The following PEBP4 variants were observed in gnomAD, a reference collection of about 807,000 sequenced individuals.
The protein encoded by PEBP4 is phosphatidylethanolamine-binding protein 4.
A neutral mutation model predicts 23.9 loss-of-function variants in PEBP4; 22 were observed. That is an observed-to-expected ratio of 0.92 (90% confidence interval 0.66 to 1.31). PEBP4 has a LOEUF of 1.31. Ranked by LOEUF, PEBP4 falls within the 40% of genes most tolerant of loss-of-function variation. PEBP4 has a pLI of 0.00. For synonymous variants in PEBP4, 112 were observed against 99.3 expected (o/e 1.13, Z -0.76); for missense variants, 324 against 281.7 (o/e 1.15, Z -1.07).
rs140058508 is a variant in PEBP4 at position 22,814,279 on chromosome 8, C to T, written c.357+3358G>A. Reference sequence around the variant, plus strand: ...CAGCAGTCTGGCTCTGGAGTCCTTGCTCTTAACCACTGTGCTATACTGAAT... The same window carrying T: ...CAGCAGTCTGGCTCTGGAGTCCTTGTTCTTAACCACTGTGCTATACTGAAT... On this transcript the variant is annotated intron_variant, in intron 4 of 6. Coordinates refer to ENST00000256404, the MANE Select transcript of PEBP4 (RefSeq NM_144962.3). Among the ~76,000 whole-genome samples the T allele has an allele frequency of 5.3e-5, 8 of 152,306 alleles. No individual in the cohort carries two copies. In the East Asian group the frequency reaches 1.3e-3, roughly 26 times the overall value.
intron 3 of PEBP4, among the ~76,000 whole-genome samples, chr8:22,897,325 G>T: frequency 6.6e-6 from 1 of 152,182 alleles, no homozygotes; most frequent in East Asian, 1.9e-4. Flanking sequence ...CAGAAGCACA[G>T]ATATGGATGG....
At chr8:22,799,180 T>TGACCTCCCCCTCCTGCC (rs1187905918) in intron 4 of PEBP4, among the ~76,000 whole-genome samples, 1 of 152,208 alleles carries the variant, frequency 6.6e-6, no homozygotes, top group Admixed American at 6.5e-5. Flanking sequence ...TCCTTTCCTT[T>TGACCTCCCCCTCCTGCC]GACCTCCCCC....
At chr8:22,759,383 A>T (rs2128752814) in intron 4 of PEBP4, among the ~76,000 whole-genome samples, 2 of 150,516 alleles carry the variant, frequency 1.3e-5, no homozygotes, top group Admixed American at 1.3e-4. Context: ...CAAAGGGTGG[A>T]CTGGAGTAAG....
chr8:22,843,277 T>A (rs1373790527), intron 3 of PEBP4, among the ~76,000 whole-genome samples: 1 of 152,204 alleles, frequency 6.6e-6, no homozygotes, highest in Non-Finnish European at 1.5e-5. Flanking sequence ...CCTGCAATTC[T>A]ATTTTGTGCA....
intron 4 of PEBP4, among the ~76,000 whole-genome samples, chr8:22,791,233 G>T (rs1046631118): frequency 1.3e-5 from 2 of 152,112 alleles, no homozygotes; most frequent in African/African-American, 4.8e-5. Context: ...AGAAGCTCGG[G>T]CTGAGGAGCA....
intron 4 of PEBP4, among the ~76,000 whole-genome samples, chr8:22,748,667 A>G (rs1805181598): frequency 1.5e-5 from 2 of 136,128 alleles, no homozygotes; most frequent in African/African-American, 2.7e-5. Flanking sequence ...CCTGAGTCAG[A>G]GGGAGGGTGG....
chr8:22,912,623 A>G (rs766552708), intron 3 of PEBP4, among the ~76,000 whole-genome samples: 4 of 152,188 alleles, frequency 2.6e-5, no homozygotes, highest in Non-Finnish European at 5.9e-5. Context: ...CGCTCTATCC[A>G]TCGCCCCATG....
intron 3 of PEBP4, among the ~76,000 whole-genome samples, chr8:22,851,594 G>A (rs761224494): frequency 6.6e-6 from 1 of 152,096 alleles, no homozygotes. Context: ...GCTCTCCCAG[G>A]GCGCCACCCA....
chr8:22,812,434 C>T (rs1806650773), intron 4 of PEBP4, among the ~76,000 whole-genome samples: 1 of 152,208 alleles, frequency 6.6e-6, no homozygotes, highest in African/African-American at 2.4e-5. Flanking sequence ...TAATAATCAC[C>T]TGGTTTATGG....
intron 3 of PEBP4, among the ~76,000 whole-genome samples, chr8:22,845,407 T>C (rs1807410658): frequency 6.7e-6 from 1 of 149,172 alleles, no homozygotes; most frequent in Non-Finnish European, 1.5e-5. Flanking sequence ...TGGTGGTGTG[T>C]GCCTATAGTC....
intron 4 of PEBP4, among the ~76,000 whole-genome samples, chr8:22,750,537 T>C (rs554003206): frequency 2.8e-4 from 42 of 152,246 alleles, no homozygotes; most frequent in Admixed American, 9.8e-4. Context: ...TCTGGGCACA[T>C]GGCTGGTGCT....
At chr8:22,834,663 A>G (rs562611503) in intron 3 of PEBP4, among the ~76,000 whole-genome samples, 1 of 152,308 alleles carries the variant, frequency 6.6e-6, no homozygotes, top group Non-Finnish European at 1.5e-5. Flanking sequence ...ATGTAGGAGA[A>G]AATCCCTAGG....
At chr8:22,738,744 C>A (rs1298404026) in intron 4 of PEBP4, among the ~76,000 whole-genome samples, 1 of 152,188 alleles carries the variant, frequency 6.6e-6, no homozygotes, top group African/African-American at 2.4e-5. Flanking sequence ...TGCTCACACA[C>A]CCACACATGC....
intron 3 of PEBP4, chr8:22,896,041 G>T (rs935616475): frequency 6.6e-6 from 1 of 152,230 alleles, no homozygotes. Flanking sequence ...TTGCCTGAAA[G>T]TTGCTGGTAT....
At chr8:22,870,246 T>C (rs1347604920) in intron 3 of PEBP4, among the ~76,000 whole-genome samples, 8 of 152,224 alleles carry the variant, frequency 5.3e-5, no homozygotes, top group Non-Finnish European at 1.2e-4. Context: ...TGAAATATTA[T>C]TCAGCACTGA....
intron 3 of PEBP4, among the ~76,000 whole-genome samples, chr8:22,846,348 A>G (rs575245890): frequency 3.9e-5 from 6 of 152,140 alleles, no homozygotes; most frequent in Non-Finnish European, 7.4e-5. Context: ...GAAAAGGGGA[A>G]ATGTGGCTCT....
intron 4 of PEBP4, among the ~76,000 whole-genome samples, chr8:22,799,558 ATTTAT>A (rs1806338065): frequency 6.6e-6 from 1 of 152,192 alleles, no homozygotes; most frequent in African/African-American, 2.4e-5. Context: ...TTATTTATGT[ATTTAT>A]TTTATTATAC....
intron 3 of PEBP4, among the ~76,000 whole-genome samples, chr8:22,823,720 C>G: frequency 6.6e-6 from 1 of 151,704 alleles, no homozygotes; most frequent in East Asian, 1.9e-4. Context: ...AGACAATAAA[C>G]TGAGGGCAAA....
At chr8:22,739,360 G>A (rs1434377425) in intron 4 of PEBP4, among the ~76,000 whole-genome samples, 1 of 152,198 alleles carries the variant, frequency 6.6e-6, no homozygotes, top group Non-Finnish European at 1.5e-5. Context: ...CTCAACTGGA[G>A]AGAAGAGAGC....
Sources: gnomAD v4.1 joint callset for allele counts (sites outside exome capture counted in the v4.1 genomes callset) on GRCh38, gnomAD v4.1.1 for gene constraint, MANE v1.5 for transcripts, NCBI Gene and HGNC (gene_info 2026-07-23, HGNC 2026-07-21) for gene names.